TNS3: variants seen among roughly 807,000 people sequenced by gnomAD.
TNS3 encodes the protein tensin 3, also known as tensin-3.
A neutral mutation model predicts 140.9 loss-of-function variants in TNS3; 45 were observed. The observed-to-expected ratio is 0.32, with a 90% CI of 0.25 to 0.41. The LOEUF (loss-of-function observed/expected upper bound fraction) is 0.41, where lower values mean the gene tolerates loss of function less well. Ranked by LOEUF, TNS3 falls within the 10% of genes least tolerant of loss-of-function variation. The pLI, the probability that TNS3 is intolerant of heterozygous loss-of-function variation, is 1.00. For synonymous variants in TNS3, 815 were observed against 788.4 expected, an observed-to-expected ratio of 1.03 and a Z score of -0.56; for missense variants, 1,716 against 1,906.7, an observed-to-expected ratio of 0.90 and a Z score of 1.86.
intron 1 of TNS3, among the ~76,000 whole-genome samples, chr7:47,543,990 G>A (rs1020798260): frequency 1.3e-5 from 2 of 152,200 alleles, no homozygotes; most frequent in Non-Finnish European, 1.5e-5. Context: ...CCCTGACTTT[G>A]AGAAGTAAAT....
chr7:47,520,529 G>C (rs1181375306), intron 2 of TNS3, among the ~76,000 whole-genome samples: 1 of 152,182 alleles, frequency 6.6e-6, no homozygotes, highest in African/African-American at 2.4e-5. Flanking sequence ...AGAAACATCT[G>C]GGAGGGGTCC....
chr7:47,545,428 C>T (rs1347125580), intron 1 of TNS3, among the ~76,000 whole-genome samples: 1 of 151,494 alleles, frequency 6.6e-6, no homozygotes, highest in African/African-American at 2.5e-5. Context: ...GGGCTTTCTA[C>T]ACTCCCCTCC....
Position 47,368,827 on chromosome 7 carries a change from C to A in TNS3, c.1819G>T (p.Gly607Trp), listed in dbSNP as rs527696120. Residue 607 changes from glycine (G) to tryptophan (W), a missense_variant, in exon 17 of 31, where the codon GGG becomes TGG. Gly to Trp is a radical substitution (Grantham distance 184, BLOSUM62 -2). Around this residue, in one of 3 missense-constraint regions of TNS3, gnomAD observed 1,163 missense variants for 1,182.1 expected, o/e 0.98. Coordinates refer to ENST00000311160, the MANE Select transcript of TNS3 (RefSeq NM_022748.12). ...CAGCGGCTCACCAGCCGGGCCTCCC[C>A]ATCTGGGGCGAAGCTATACTGGTGA... ...VAHQYSFAPD[G>W]EARLVSRCPA... 2.5e-6 allele frequency: 4 copies of A among 1,612,800 alleles called. No homozygotes were observed. The highest frequency in any genetic ancestry group is 2.2e-5 in the East Asian group (1 of 44,852).
At chr7:47,575,213 T>C (rs1166308938) in intron 1 of TNS3, among the ~76,000 whole-genome samples, 5 of 152,032 alleles carry the variant, frequency 3.3e-5, no homozygotes, top group Non-Finnish European at 4.4e-5. Context: ...CATACTGGAG[T>C]ACTATACTGT....
At chr7:47,559,509 C>T (rs1444373195) in intron 1 of TNS3, among the ~76,000 whole-genome samples, 10 of 152,098 alleles carry the variant, frequency 6.6e-5, no homozygotes, top group African/African-American at 2.2e-4. Flanking sequence ...TGGTGCAGGG[C>T]GGTGCCTCAG....
chr7:47,496,043 G>A (rs1229275027), intron 3 of TNS3, among the ~76,000 whole-genome samples: 22 of 152,124 alleles, frequency 1.4e-4, no homozygotes, highest in Admixed American at 6.5e-5. Context: ...GAGAGGCCCC[G>A]ATGCCACCCA....
At chr7:47,540,141 C>G (rs975979648) in intron 1 of TNS3, among the ~76,000 whole-genome samples, 2 of 152,148 alleles carry the variant, frequency 1.3e-5, no homozygotes, top group African/African-American at 4.8e-5. Context: ...TAGCTTCTGA[C>G]TGCACTTGGT....
chr7:47,368,747 G>A lies in TNS3; in HGVS notation c.1899C>T (p.Pro633=). 2 of 1,583,128 alleles carry A rather than the reference G, an allele frequency of 1.3e-6. No homozygotes were observed. Among genetic ancestry groups the A allele is most frequent in the Non-Finnish European group, 8.6e-7 (1 of 1,164,464 alleles). ...VQAQPRVPLT[P]TRGTSSRVAV... ...CCACCCTACTGCTGGTCCCTCGGGT[G>A]GGGGTGAGTGGCACTCTGGGCTGGG... The change falls in exon 17 of 31, where the codon CCC becomes CCT. Residue 633 remains proline, a synonymous_variant. Coordinates refer to ENST00000311160, the MANE Select transcript of TNS3 (RefSeq NM_022748.12).
chr7:47,373,360 A>G (rs767485830), intron 16 of TNS3, among the ~76,000 whole-genome samples: 1 of 152,188 alleles, frequency 6.6e-6, no homozygotes, highest in Non-Finnish European at 1.5e-5. Context: ...TTTTTCTCTT[A>G]AAGTTATGAG....
rs763188841 is a variant in TNS3, at chr7:47,415,098, A to G, written c.582T>C (p.Gly194=). ...ILHGTPNFDT[G]GVCRPFLKLY... The stretch of plus-strand genomic sequence containing the variant: ...CACGTCATAGGGGACACTCACCTCC[A>G]CCTGTGTCGAAGTTGGGGGTGCCGT... The change falls in exon 11 of 31, where the codon GGT becomes GGC. Residue 194 remains glycine (G), a synonymous_variant. Transcript: ENST00000311160. 8 of 1,610,528 alleles carry G rather than the reference A, an allele frequency of 5.0e-6. No homozygotes were observed. The highest frequency in any genetic ancestry group is 6.8e-6 in the Non-Finnish European group (8 of 1,178,222).
At chr7:47,537,100 A>G (rs1799627321) in intron 1 of TNS3, among the ~76,000 whole-genome samples, 1 of 151,766 alleles carries the variant, frequency 6.6e-6, no homozygotes, top group Non-Finnish European at 1.5e-5. Context: ...CAGGGCGCGC[A>G]GCCTCATGGC....
rs1199059299 is a variant in TNS3 at position 47,388,997 on chromosome 7, AAGAAGGAAGAAGAAGAAGAAGAAGAAG to A, written c.1024+7776_1024+7802del. Among the ~76,000 whole-genome samples, 165 of 46,556 alleles carry A rather than the reference AAGAAGGAAGAAGAAGAAGAAGAAGAAG, an allele frequency of 3.5e-3. 27 individuals carry two copies. The highest frequency in any genetic ancestry group is 5.2e-3 in the Non-Finnish European group (112 of 21,708). 30.5% of individuals were successfully genotyped at this position (46,556 alleles called of 152,430 possible). Reference sequence around the variant, plus strand: ...GAAGAAGCAGCAGAGGAAGAAGAAGAAGAAGGAAGAAGAAGAAGAAGAAGAAGAAGAAGAAGAAGAAGAAGAAGAAGA... The same window carrying A: ...GAAGAAGCAGCAGAGGAAGAAGAAGAAAGAAGAAGAAGAAGAAGAAGAAGA... On this transcript the variant is annotated intron_variant, in intron 16 of 30. Transcript: ENST00000311160.
chr7:47,335,865 C>T (rs7809952), intron 20 of TNS3, among the ~76,000 whole-genome samples: 14,455 of 152,092 alleles, frequency 0.095, 819 homozygotes, highest in African/African-American at 0.14. Flanking sequence ...CCTGAGCTCA[C>T]CCAGATAGGA....
intron 21 of TNS3, 73 bp from the exon 22 acceptor site, chr7:47,303,657 C>A: frequency 6.8e-7 from 1 of 1,472,512 alleles, no homozygotes; most frequent in Non-Finnish European, 9.0e-7. Flanking sequence ...CAAGCGTCAC[C>A]CACACGGGAA....
intron 16 of TNS3, among the ~76,000 whole-genome samples, chr7:47,380,743 GAC>G (rs1357454570): frequency 4.0e-5 from 6 of 151,622 alleles, no homozygotes; most frequent in African/African-American, 1.5e-4. Context: ...CACAGGCACA[GAC>G]ACACATACAC....
chr7:47,533,255 C>T (rs665302), intron 1 of TNS3, among the ~76,000 whole-genome samples: 47,651 of 148,100 alleles, frequency 0.32, 8,037 homozygotes, highest in East Asian at 0.47. Context: ...CCTCAGCCTC[C>T]CAAGTAGCTG....
intron 16 of TNS3, among the ~76,000 whole-genome samples, chr7:47,380,441 T>A (rs1047694430): frequency 2.6e-5 from 4 of 152,218 alleles, no homozygotes; most frequent in Admixed American, 6.5e-5. Context: ...GCAAACAGCA[T>A]GTCAGACCAT....
At chr7:47,384,352 C>A (rs1791950907) in intron 16 of TNS3, among the ~76,000 whole-genome samples, 1 of 152,242 alleles carries the variant, frequency 6.6e-6, no homozygotes, top group African/African-American at 2.4e-5. Context: ...TCATTTCTCT[C>A]TGGAAACTGG....
At chr7:47,415,389 G>A (rs1005371408) in intron 10 of TNS3, among the ~76,000 whole-genome samples, 183 bp from the exon 11 acceptor site, 25 of 152,270 alleles carry the variant, frequency 1.6e-4, no homozygotes, top group African/African-American at 6.0e-4. Flanking sequence ...TCCCACCAGC[G>A]CACCAGGCAC....
Sources: gnomAD v4.1 joint callset for allele counts (sites outside exome capture counted in the v4.1 genomes callset) on GRCh38, gnomAD v4.1.1 for gene constraint, gnomAD v4.1.1 regional missense constraint, MANE v1.5 for transcripts, NCBI Gene and HGNC (gene_info 2026-07-23, HGNC 2026-07-21) for gene names.